Variants in ABTB3 observed in about 807,000 individuals in gnomAD.
The protein encoded by ABTB3 is ankyrin repeat and BTB domain containing 3, also known as ankyrin repeat- and BTB/POZ domain-containing protein 3.
chr12:107,498,196 C>G, the ABTB3 span, among the ~76,000 whole-genome samples: 2 of 152,212 alleles, frequency 1.3e-5, no homozygotes, highest in Non-Finnish European at 2.9e-5. Context: ...TTGGTCATCT[C>G]TTTATTTCTG....
At chr12:107,498,737 T>C in the ABTB3 span, among the ~76,000 whole-genome samples, 1 of 152,102 alleles carries the variant, frequency 6.6e-6, no homozygotes, top group African/African-American at 2.4e-5. Flanking sequence ...CAGGATACTC[T>C]CTGTATCCCA....
the ABTB3 span, among the ~76,000 whole-genome samples, chr12:107,427,063 C>T: frequency 4.6e-5 from 7 of 152,328 alleles, no homozygotes; most frequent in East Asian, 9.6e-4. Context: ...ATGTCTTCTC[C>T]TATGGTCATG....
chr12:107,632,997 A>C, the ABTB3 span, among the ~76,000 whole-genome samples: 1 of 152,098 alleles, frequency 6.6e-6, no homozygotes, highest in Non-Finnish European at 1.5e-5. Context: ...TCCCGTCTGA[A>C]GTCCTTTTCT....
the ABTB3 span, among the ~76,000 whole-genome samples, chr12:107,653,681 A>G: frequency 6.6e-6 from 1 of 152,180 alleles, no homozygotes; most frequent in African/African-American, 2.4e-5. Flanking sequence ...TTTTAGGTGA[A>G]TGCTACACTA....
At chr12:107,454,290 G>A in the ABTB3 span, among the ~76,000 whole-genome samples, 44,144 of 152,192 alleles carry the variant, frequency 0.29, 6,732 homozygotes, top group South Asian at 0.39. Context: ...TGCGAAATGA[G>A]AAGGTGAGGC....
At chr12:107,549,383 A>G in the ABTB3 span, among the ~76,000 whole-genome samples, 1 of 152,234 alleles carries the variant, frequency 6.6e-6, no homozygotes, top group African/African-American at 2.4e-5. Flanking sequence ...GTGAGATTCA[A>G]ACTTCAACTT....
At chr12:107,581,444 AGT>A in the ABTB3 span, 1 of 637,986 alleles carries the variant, frequency 1.6e-6, no homozygotes. Flanking sequence ...CCCTGGTTGA[AGT>A]GGCAGACGCG....
chr12:107,442,156 C>T, the ABTB3 span, among the ~76,000 whole-genome samples: 7 of 152,264 alleles, frequency 4.6e-5, no homozygotes, highest in East Asian at 5.8e-4. Flanking sequence ...TCTGCATTTC[C>T]GGGGCCTAGC....
At chr12:107,610,405 C>T in the ABTB3 span, 1 of 1,595,724 alleles carries the variant, frequency 6.3e-7, no homozygotes, top group Non-Finnish European at 8.6e-7. Flanking sequence ...CCATGTGCAT[C>T]ACCCCTGGCA....
the ABTB3 span, among the ~76,000 whole-genome samples, chr12:107,418,609 G>A: frequency 6.6e-6 from 1 of 152,172 alleles, no homozygotes; most frequent in Admixed American, 6.5e-5. Flanking sequence ...AGAGGACAGG[G>A]CTGTGAGCAT....
At chr12:107,428,367 G>C in the ABTB3 span, among the ~76,000 whole-genome samples, 1 of 152,102 alleles carries the variant, frequency 6.6e-6, no homozygotes, top group Admixed American at 6.5e-5. Flanking sequence ...TTCTGCCTTG[G>C]ATGTCCTGCC....
the ABTB3 span, among the ~76,000 whole-genome samples, chr12:107,446,771 G>A: frequency 6.6e-6 from 1 of 152,132 alleles, no homozygotes; most frequent in African/African-American, 2.4e-5. Flanking sequence ...CTCAAATTCT[G>A]AAGACTGTAC....
At chr12:107,405,796 A>G in the ABTB3 span, among the ~76,000 whole-genome samples, 1 of 152,288 alleles carries the variant, frequency 6.6e-6, no homozygotes, top group East Asian at 1.9e-4. Flanking sequence ...CTGTCCTCCT[A>G]GGGCCCATCG....
chr12:107,618,295 C>G, the ABTB3 span: 5 of 1,613,870 alleles, frequency 3.1e-6, no homozygotes, highest in Non-Finnish European at 4.2e-6. Flanking sequence ...AACAGCAAGG[C>G]CAAACTGAGG....
chr12:107,469,866 T>TTTCCTTTC, the ABTB3 span, among the ~76,000 whole-genome samples: 3 of 75,498 alleles, frequency 4.0e-5, no homozygotes, highest in Non-Finnish European at 5.6e-5. Flanking sequence ...TCTTTCTTTC[T>TTTCCTTTC]TTTCTTTCTT....
At chr12:107,567,060 T>C in the ABTB3 span, among the ~76,000 whole-genome samples, 1 of 152,206 alleles carries the variant, frequency 6.6e-6, no homozygotes, top group Non-Finnish European at 1.5e-5. Flanking sequence ...AAGGCTGCAG[T>C]GAGCCAAGAG....
At chr12:107,508,434 A>ATTT in the ABTB3 span, among the ~76,000 whole-genome samples, 11 of 58,706 alleles carry the variant, frequency 1.9e-4, 1 homozygote, top group East Asian at 6.0e-4. Context: ...CTCAAAGATC[A>ATTT]TTTCTTTTTT....
the ABTB3 span, among the ~76,000 whole-genome samples, chr12:107,387,972 C>CTTTTTTTTT: frequency 1.7e-5 from 2 of 120,202 alleles, no homozygotes; most frequent in Non-Finnish European, 3.3e-5. Context: ...TCTTCTTCTT[C>CTTTTTTTTT]TTTTTTTTTT....
chr12:107,626,688 C>T, the ABTB3 span, among the ~76,000 whole-genome samples: 1 of 152,034 alleles, frequency 6.6e-6, no homozygotes, highest in African/African-American at 2.4e-5. Context: ...GTTTCCAAAG[C>T]CCCCAGTTGG....
Sources: gnomAD v4.1 joint callset for allele counts (sites outside exome capture counted in the v4.1 genomes callset) on GRCh38, gnomAD v4.1.1 for gene constraint, MANE v1.5 for transcripts, NCBI Gene and HGNC (gene_info 2026-07-23, HGNC 2026-07-21) for gene names.